TMEM237: variants seen among roughly 807,000 people sequenced by gnomAD.
TMEM237 encodes transmembrane protein 237.
In TMEM237, 51 loss-of-function variants were observed where a neutral mutation model predicts 59.1. The ratio of observed to expected loss-of-function variants is 0.86; its 90% CI spans 0.69 to 1.09. TMEM237 has a LOEUF of 1.09. Ranked by LOEUF, TMEM237 falls within the 50% of genes least tolerant of loss-of-function variation. TMEM237 has a pLI of 0.00. For synonymous variants in TMEM237, 140 were observed against 166.1 expected (o/e 0.84, Z 1.21); for missense variants, 475 against 478.3 (o/e 0.99, Z 0.06).
chr2:201,627,413 C>T lies in TMEM237; in HGVS notation c.945G>A (p.Leu315=). Residue 315 remains leucine (L), a splice_region_variant and synonymous_variant, in exon 11 of 13, where the codon TTG becomes TTA. Transcript: ENST00000409883. ...ALDPTALASF[L]YFTALILSLS... ...GAGATAGTATAAGAGCAGTAAAGTACACTGAGAAAAAGACAAATGAAATTA... is the reference window on the plus strand; with the variant it reads ...GAGATAGTATAAGAGCAGTAAAGTATACTGAGAAAAAGACAAATGAAATTA... The T allele has an allele frequency of 6.3e-7, 1 of 1,578,970 alleles. No homozygotes were observed. The highest frequency in any genetic ancestry group is 8.6e-7 in the Non-Finnish European group (1 of 1,160,682).
intron 10 of TMEM237, 97 bp from the exon 11 acceptor site, chr2:201,627,511 CTGA>C (rs1559585084): frequency 2.6e-6 from 2 of 757,864 alleles, no homozygotes; most frequent in Non-Finnish European, 4.1e-6. Flanking sequence ...ACTTTCATGA[CTGA>C]TGATATAAAA....
In TMEM237 at chr2:201,638,888, C is replaced by A. The variant is rs1053003902; in HGVS notation, c.136+101G>T. On this transcript the variant is annotated intron_variant, in intron 4 of 12. Coordinates refer to ENST00000409883, the MANE Select transcript of TMEM237 (RefSeq NM_001044385.3). ...TTCTATCCTCAATGAAGTGGAGATT[C>A]GGGGCTGCTGGGGCCTTAATTCTCC... 3 of 1,137,116 alleles carry A rather than the reference C, an allele frequency of 2.6e-6. No individual in the cohort carries two copies. In the East Asian group the frequency reaches 7.7e-5, roughly 29 times the overall value. 70.4% of individuals were successfully genotyped at this position (1,137,116 alleles called of 1,614,324 possible). A position where few individuals can be genotyped will look rare whatever the true frequency, so the allele number is the denominator to read the frequency against.
At chr2:201,633,168 T>C in intron 6 of TMEM237, 143 bp downstream of exon 6, 6 of 745,546 alleles carry the variant, frequency 8.0e-6, no homozygotes, top group Non-Finnish European at 9.4e-6. Flanking sequence ...TTGGTTTAAC[T>C]GATTTTTTGT....
chr2:201,630,840 T>C, intron 7 of TMEM237: 1 of 152,228 alleles, frequency 6.6e-6, no homozygotes. Flanking sequence ...TCAGCCTCTC[T>C]AGACCACAGG....
In TMEM237 at chr2:201,623,215, G is replaced by C. The variant is rs1395645428; in HGVS notation, c.*1040C>G. ...TTCAGGTGCTTGCTAATCAGGGCAG[G>C]CTCAATAGTTTTATTGATGTGCTCA... is the stretch of plus-strand genomic sequence containing the variant. On this transcript the variant is annotated 3_prime_UTR_variant, in exon 13 of 13. Coordinates refer to ENST00000409883, the MANE Select transcript of TMEM237 (RefSeq NM_001044385.3). 3 of 436,664 alleles carry C rather than the reference G, an allele frequency of 6.9e-6. No individual in the cohort carries two copies. The highest frequency in any genetic ancestry group is 4.0e-5 in the African/African-American group (2 of 49,530). The allele number at this position is 436,664 out of a possible 1,614,324, so 27.0% of individuals were successfully genotyped here. A position where few individuals can be genotyped will look rare whatever the true frequency, so the allele number is the denominator to read the frequency against.
chr2:201,632,663 G>A (rs914389195), intron 6 of TMEM237, among the ~76,000 whole-genome samples: 2 of 152,158 alleles, frequency 1.3e-5, no homozygotes, highest in Non-Finnish European at 2.9e-5. Context: ...GGGTGTGTTT[G>A]CTTCACCTTC....
intron 7 of TMEM237, chr2:201,631,028 C>T (rs548076597): frequency 1.3e-5 from 2 of 152,126 alleles, no homozygotes; most frequent in Non-Finnish European, 2.9e-5. Flanking sequence ...CATGATCATG[C>T]TTTGAGTAGG....
At chr2:201,634,625 A>G (rs1485364477) in intron 5 of TMEM237, among the ~76,000 whole-genome samples, 1 of 152,214 alleles carries the variant, frequency 6.6e-6, no homozygotes, top group Non-Finnish European at 1.5e-5. Context: ...TAACTAAATT[A>G]CTAAAAGGGC....
At chr2:201,630,148 C>T (rs1290235944) in intron 7 of TMEM237, among the ~76,000 whole-genome samples, 1 of 152,080 alleles carries the variant, frequency 6.6e-6, no homozygotes, top group Non-Finnish European at 1.5e-5. Flanking sequence ...GAACTTTCAA[C>T]TCAGAATAAA....
chr2:201,628,504 A>C (rs1957779444), intron 9 of TMEM237, among the ~76,000 whole-genome samples: 1 of 152,180 alleles, frequency 6.6e-6, no homozygotes, highest in Admixed American at 6.5e-5. Flanking sequence ...TGTTCCCAAA[A>C]AGATATGTTG....
At position 201,643,048 on chromosome 2, in the gene TMEM237, T is replaced by TGGAAGCCCC; in HGVS notation, c.42+302_42+310dup. 1 of 1,252,260 alleles carries TGGAAGCCCC rather than the reference T, an allele frequency of 8.0e-7. No homozygotes were observed. The highest frequency in any genetic ancestry group is 1.0e-6 in the Non-Finnish European group (1 of 976,044). The allele number at this position is 1,252,260 out of a possible 1,614,324, so 77.6% of individuals were successfully genotyped here. On this transcript the variant is annotated intron_variant, in intron 1 of 12. Coordinates refer to ENST00000409883, the MANE Select transcript of TMEM237 (RefSeq NM_001044385.3). This position sits in a 1 kb window ranked among gnomAD's most constrained non-coding sequence, Gnocchi z 4.3. ...CGGAGGAGTCTAGGAGAGGCCTGGC[T>TGGAAGCCCC]GGAAGCCCCGGCACCCGCCGGGCCC...
Position 201,621,140 on chromosome 2 carries a change from TA to T in TMEM237, c.*3114del, listed in dbSNP as rs1456339258. 2 of 152,214 alleles carry T rather than the reference TA, an allele frequency of 1.3e-5. No homozygotes were observed. Among genetic ancestry groups the T allele is most frequent in the African/African-American group, 4.8e-5 (2 of 41,452 alleles). 9.4% of individuals were successfully genotyped at this position (152,214 alleles called of 1,614,324 possible). A position where few individuals can be genotyped will look rare whatever the true frequency, so the allele number is the denominator to read the frequency against. On this transcript the variant is annotated 3_prime_UTR_variant, in exon 13 of 13. Coordinates refer to ENST00000409883, the MANE Select transcript of TMEM237 (RefSeq NM_001044385.3). ...TGAAGTCATATTTTTTTAAAAAATC[TA>T]ATCAAACCACCAGACCTAACCTCCA...
rs115324964 is a variant in TMEM237 at position 201,632,576 on chromosome 2, G to A, written c.396-368C>T. On this transcript the variant is annotated intron_variant, in intron 6 of 12. Coordinates refer to ENST00000409883, the MANE Select transcript of TMEM237 (RefSeq NM_001044385.3). ...TGTTCTGGTGATAGTGAGTTCTCAG[G>A]AGATCTGATCGTTTTGTAAGGGGCT... Among the ~76,000 whole-genome samples, 293 of 152,270 alleles carry A rather than the reference G, an allele frequency of 1.9e-3. 1 individual carries two copies. Among genetic ancestry groups the A allele is most frequent in the African/African-American group, 6.5e-3 (271 of 41,548 alleles).
rs1045547074 is a variant in TMEM237 at position 201,631,949 on chromosome 2, C to T, written c.553+102G>A. 11 of 1,268,278 alleles carry T rather than the reference C, an allele frequency of 8.7e-6. No individual in the cohort carries two copies. The South Asian group carries it at 1.3e-4, about 15-fold the overall frequency. The allele number at this position is 1,268,278 out of a possible 1,614,324, so 78.6% of individuals were successfully genotyped here. ...CCAGTTTTGTGTATAAATTGTTGTA[C>T]ACAGTTTTGCTTAATTCCTTAATTC... On this transcript the variant is annotated intron_variant, in intron 7 of 12. Coordinates refer to ENST00000409883, the MANE Select transcript of TMEM237 (RefSeq NM_001044385.3).
At position 201,624,195 on chromosome 2, in the gene TMEM237, C is replaced by A. The variant is rs1365828369; in HGVS notation, c.*60G>T. ...CACATGTATACATCTTATAAAAATA[C>A]ATTTAAAAACAAAAATGGGACAAAT... On this transcript the variant is annotated 3_prime_UTR_variant, in exon 13 of 13. Coordinates refer to ENST00000409883, the MANE Select transcript of TMEM237 (RefSeq NM_001044385.3). 4 of 1,366,090 alleles carry A rather than the reference C, an allele frequency of 2.9e-6. No homozygotes were observed. The highest frequency in any genetic ancestry group is 4.1e-6 in the Non-Finnish European group (4 of 965,898). The allele number at this position is 1,366,090 out of a possible 1,614,324, so 84.6% of individuals were successfully genotyped here. A position where few individuals can be genotyped will look rare whatever the true frequency, so the allele number is the denominator to read the frequency against.
At chr2:201,633,109 A>AT (rs1461611418) in intron 6 of TMEM237, among the ~76,000 whole-genome samples, 4 of 151,450 alleles carry the variant, frequency 2.6e-5, no homozygotes, top group African/African-American at 7.3e-5. Context: ...TACAATCTTA[A>AT]TTTTTTTTAT....
At position 201,625,860 on chromosome 2, in the gene TMEM237, T is replaced by C. The variant is rs116335713; in HGVS notation, c.1159+166A>G. Among the ~76,000 whole-genome samples the C allele has an allele frequency of 6.6e-3, 1,009 of 152,288 alleles. 12 individuals carry two copies. The highest frequency in any genetic ancestry group is 0.023 in the African/African-American group (965 of 41,558). On this transcript the variant is annotated intron_variant, in intron 12 of 12. Transcript: ENST00000409883. Reference sequence around the variant, plus strand: ...CCTCCTAGACACTCCTCCCTGCTTCTCTTGGCATTCTGTTACACCACTTTA... The same window carrying C: ...CCTCCTAGACACTCCTCCCTGCTTCCCTTGGCATTCTGTTACACCACTTTA...
intron 6 of TMEM237, 117 bp from the exon 7 acceptor site, chr2:201,632,325 G>T: frequency 1.8e-6 from 2 of 1,131,496 alleles, no homozygotes; most frequent in Non-Finnish European, 2.5e-6. Context: ...TAAGAAATGT[G>T]GTTTTTACTC....
At position 201,632,078 on chromosome 2, in the gene TMEM237, CAGG is replaced by C; in HGVS notation, c.523_525del (p.Pro175del). The C allele has an allele frequency of 6.2e-7, 1 of 1,613,844 alleles. No individual in the cohort carries two copies. The highest frequency in any genetic ancestry group is 1.3e-5 in the African/African-American group (1 of 75,040). ...CTTTTTTCCACAAATACTTTGCCTA[CAGG>C]CTGGCTAATGCCAGTGGGTGCAGTG... On this transcript the variant is annotated inframe_deletion, in exon 7 of 13. Transcript: ENST00000409883.
Sources: gnomAD v4.1 joint callset for allele counts (sites outside exome capture counted in the v4.1 genomes callset) on GRCh38, gnomAD v4.1.1 for gene constraint, Gnocchi (gnomAD v3.1) non-coding constraint, MANE v1.5 for transcripts, NCBI Gene and HGNC (gene_info 2026-07-23, HGNC 2026-07-21) for gene names.